The following FHIT variants were observed in gnomAD, a reference collection of about 807,000 sequenced individuals.
The protein encoded by FHIT is bis(5'-adenosyl)-triphosphatase.
Under a neutral mutation model 17.9 loss-of-function variants are expected in FHIT, and 19 were observed. The ratio of observed to expected loss-of-function variants is 1.06; its 90% confidence interval spans 0.74 to 1.56. The LOEUF (loss-of-function observed/expected upper bound fraction) is 1.56, where lower values mean the gene tolerates loss of function less well. FHIT is among the 40% of genes most tolerant of loss of function. The pLI is 0.00. For synonymous variants in FHIT, 81 were observed against 69.7 expected (o/e 1.16, Z -0.81); for missense variants, 248 against 189.2 (o/e 1.31, Z -1.82).
At chr3:60,679,333 A>C (rs2040694295) in intron 4 of FHIT, among the ~76,000 whole-genome samples, 1 of 152,202 alleles carries the variant, frequency 6.6e-6, no homozygotes, top group African/African-American at 2.4e-5. Context: ...TGATTGTAGA[A>C]GTCATGTCTG....
At chr3:60,420,939 T>C (rs1576628063) in intron 5 of FHIT, among the ~76,000 whole-genome samples, 1 of 152,050 alleles carries the variant, frequency 6.6e-6, no homozygotes, top group African/African-American at 2.4e-5. Context: ...TCCTGGCCTC[T>C]CTTGCTTTCA....
In FHIT at chr3:60,049,850, T is replaced by C. The variant is rs145805153; in HGVS notation, c.104-35698A>G. ...ATTCTATAATAAGCATAAATAATAA[T>C]TTTACTTCATTCTCTTATCAGCAGG... On this transcript the variant is annotated intron_variant, in intron 5 of 9. Coordinates refer to ENST00000492590, the MANE Select transcript of FHIT (RefSeq NM_002012.4). Among the ~76,000 whole-genome samples, 340 of 152,264 alleles carry C rather than the reference T, an allele frequency of 2.2e-3. 1 individual carries two copies. The highest frequency in any genetic ancestry group is 7.7e-3 in the African/African-American group (318 of 41,560).
rs904850756 is a variant in FHIT at position 61,215,521 on chromosome 3, T to C, written c.-212-14856A>G. 1.4e-4 allele frequency among the ~76,000 whole-genome samples: 22 copies of C among 152,244 alleles called. No individual in the cohort carries two copies. In the South Asian group the frequency reaches 2.9e-3, roughly 20 times the overall value. On this transcript the variant is annotated intron_variant, in intron 1 of 9. Transcript: ENST00000492590. ...GATACAAACAAATGGAAGAACATTC[T>C]ATGCTCATGGGTAGGAAGAATCAAT...
Sources: allele counts gnomAD v4.1 joint callset (sites outside exome capture counted in the v4.1 genomes callset), GRCh38; gene constraint gnomAD v4.1.1; transcripts MANE v1.5; gene names NCBI Gene and HGNC (gene_info 2026-07-23, HGNC 2026-07-21).